Variants in KLHL29 observed in about 807,000 individuals in gnomAD.
KLHL29 encodes kelch-like protein 29.
KLHL29 carries 21 observed loss-of-function variants against 80.4 expected under a neutral mutation model. That is an observed-to-expected ratio of 0.26 (90% CI 0.19 to 0.38). The LOEUF is 0.38. Among genes scored for constraint, KLHL29 ranks in the 10% least tolerant of loss-of-function variants. The probability of loss-of-function intolerance (pLI) is 1.00; values close to 1 mark genes in which losing one functional copy is unlikely to be tolerated. For synonymous variants in KLHL29, 511 were observed against 526.8 expected (o/e 0.97, Z 0.41); for missense variants, 867 against 1,223.9 (o/e 0.71, Z 4.35).
rs1665524126 is a variant in KLHL29, at chr2:23,503,916, TCCTCCACTAGGAG to T, written c.-46+28254_-46+28266del. Among the ~76,000 whole-genome samples, 1 of 152,132 alleles carries T rather than the reference TCCTCCACTAGGAG, an allele frequency of 6.6e-6. No homozygotes were observed. Among genetic ancestry groups the T allele is most frequent in the East Asian group, 1.9e-4 (1 of 5,176 alleles). The stretch of plus-strand genomic sequence containing the variant: ...CTTCTGCTGTGCCTGCATCCTTCCC[TCCTCCACTAGGAG>T]CCTCTGGTTCCAGCCCAGATGAACC... On this transcript the variant is annotated intron_variant, in intron 2 of 13. Coordinates refer to ENST00000486442, the MANE Select transcript of KLHL29 (RefSeq NM_052920.2). The surrounding 1 kb of genome is among the most constrained non-coding windows in gnomAD (Gnocchi z 4.0).
chr2:23,408,319 A>G (rs2577743), intron 1 of KLHL29, among the ~76,000 whole-genome samples: 3,599 of 134,200 alleles, frequency 0.027, 54 homozygotes, highest in Middle Eastern at 0.039. Flanking sequence ...TTTTTTTTAC[A>G]TGATAGCCAT....
chr2:23,421,560 G>GTC (rs1257610002), intron 1 of KLHL29, among the ~76,000 whole-genome samples: 1 of 141,204 alleles, frequency 7.1e-6, no homozygotes, highest in Admixed American at 7.0e-5. Context: ...GTGTGTGTGT[G>GTC]TGTGTCTGTA....
At chr2:23,693,213 A>G in intron 7 of KLHL29, 56 bp from the exon 8 acceptor site, 2 of 1,502,436 alleles carry the variant, frequency 1.3e-6, no homozygotes, top group Non-Finnish European at 1.8e-6. Flanking sequence ...CAATGGGAAC[A>G]GGTGGCAACT....
At chr2:23,692,384 G>A (rs772734773) in intron 7 of KLHL29, among the ~76,000 whole-genome samples, 16 of 152,236 alleles carry the variant, frequency 1.1e-4, no homozygotes, top group Non-Finnish European at 1.9e-4. Context: ...CGGGGGGGTC[G>A]CTGACCCGAA....
At chr2:23,507,629 C>T (rs567041379) in intron 2 of KLHL29, among the ~76,000 whole-genome samples, 5 of 152,310 alleles carry the variant, frequency 3.3e-5, no homozygotes, top group African/African-American at 4.8e-5. Context: ...TTCACCCCTC[C>T]CTTGACTCAA....
chr2:23,452,912 C>CCACA (rs1553325471), intron 1 of KLHL29, among the ~76,000 whole-genome samples: 60 of 150,158 alleles, frequency 4.0e-4, no homozygotes, highest in African/African-American at 5.6e-4. Context: ...ACCCCCCCGC[C>CCACA]CACACACACA....
chr2:23,638,353 A>C (rs762984977), intron 3 of KLHL29, among the ~76,000 whole-genome samples: 5 of 152,078 alleles, frequency 3.3e-5, no homozygotes, highest in African/African-American at 4.8e-5. Context: ...ATTCCATTAT[A>C]AGGCTGTGGC....
intron 3 of KLHL29, among the ~76,000 whole-genome samples, chr2:23,623,145 G>C (rs532890904): frequency 6.6e-6 from 1 of 152,126 alleles, no homozygotes; most frequent in Non-Finnish European, 1.5e-5. Context: ...GGTCTTAGAC[G>C]GGACATGTCT....
chr2:23,581,546 C>A (rs1367024990), intron 3 of KLHL29, among the ~76,000 whole-genome samples: 1 of 152,142 alleles, frequency 6.6e-6, no homozygotes, highest in Non-Finnish European at 1.5e-5. Flanking sequence ...AACTTTTAGG[C>A]TGGAGGCAGT....
intron 1 of KLHL29, among the ~76,000 whole-genome samples, chr2:23,423,160 G>A (rs1662875607): frequency 6.6e-6 from 1 of 152,250 alleles, no homozygotes. Flanking sequence ...CTGGTCACAG[G>A]AAGTGTTTTT....
intron 1 of KLHL29, among the ~76,000 whole-genome samples, chr2:23,386,583 G>T (rs1558319216): frequency 6.6e-6 from 1 of 152,144 alleles, no homozygotes; most frequent in Non-Finnish European, 1.5e-5. Context: ...ACCTGGAGAT[G>T]TGTAGTGTGG....
At chr2:23,582,395 C>T (rs573858275) in intron 3 of KLHL29, among the ~76,000 whole-genome samples, 78 of 152,142 alleles carry the variant, frequency 5.1e-4, no homozygotes, top group Non-Finnish European at 8.4e-4. Context: ...TGTTATTTAA[C>T]ATTTCTGAAT....
intron 3 of KLHL29, among the ~76,000 whole-genome samples, chr2:23,597,786 G>C (rs1414843594): frequency 6.6e-6 from 1 of 152,092 alleles, no homozygotes; most frequent in Non-Finnish European, 1.5e-5. Context: ...CATGCTCTCA[G>C]TCTAGGGAAG....
intron 1 of KLHL29, among the ~76,000 whole-genome samples, chr2:23,423,266 T>C (rs895615727): frequency 6.6e-6 from 1 of 152,216 alleles, no homozygotes; most frequent in Non-Finnish European, 1.5e-5. Context: ...AGGGCAATTC[T>C]GGGGCCACCA....
chr2:23,411,687 T>C lies in KLHL29; in HGVS notation c.-154+25907T>C, dbSNP rs117068891. ...GGAAATGCAAGCTTGCACTGGAATC[T>C]TAACAGGTACTGCTGGTTCTGCCTT... On this transcript the variant is annotated intron_variant, in intron 1 of 13. Coordinates refer to ENST00000486442, the MANE Select transcript of KLHL29 (RefSeq NM_052920.2). 4.0e-3 allele frequency among the ~76,000 whole-genome samples: 605 copies of C among 152,298 alleles called. 19 individuals are homozygous for C. The South Asian group carries it at 0.058, about 15-fold the overall frequency.
Position 23,681,215 on chromosome 2 carries a change from T to G in KLHL29, c.941-3184T>G, listed in dbSNP as rs1361901776. Among the ~76,000 whole-genome samples the G allele has an allele frequency of 1.3e-5, 2 of 152,248 alleles. No homozygotes were observed. The highest frequency in any genetic ancestry group is 6.5e-5 in the Admixed American group (1 of 15,290). ...CGATACTAGGAATGCACTTGGGGCC[T>G]GCTGGGAATCCCCTGGTGAGCACTT... On this transcript the variant is annotated intron_variant, in intron 5 of 13. Coordinates refer to ENST00000486442, the MANE Select transcript of KLHL29 (RefSeq NM_052920.2). The surrounding 1 kb of genome is among the most constrained non-coding windows in gnomAD (Gnocchi z 4.2).
At chr2:23,686,524 A>T (rs1467899152) in intron 6 of KLHL29, among the ~76,000 whole-genome samples, 1 of 152,140 alleles carries the variant, frequency 6.6e-6, no homozygotes, top group East Asian at 1.9e-4. Context: ...GGATGGGCAG[A>T]GGATGGGCAG....
intron 11 of KLHL29, among the ~76,000 whole-genome samples, chr2:23,702,012 G>A (rs1286916543): frequency 6.6e-6 from 1 of 150,986 alleles, no homozygotes; most frequent in Non-Finnish European, 1.5e-5. Flanking sequence ...TAGTAGAGAC[G>A]GGGTTTCTCC....
rs1572500848 is a variant in KLHL29 at position 23,423,045 on chromosome 2, T to C, written c.-154+37265T>C. 2.0e-5 allele frequency among the ~76,000 whole-genome samples: 3 copies of C among 152,376 alleles called. No homozygotes were observed. In the South Asian group the frequency reaches 6.2e-4, roughly 32 times the overall value. On this transcript the variant is annotated intron_variant, in intron 1 of 13. Coordinates refer to ENST00000486442, the MANE Select transcript of KLHL29 (RefSeq NM_052920.2). The stretch of plus-strand genomic sequence containing the variant: ...TTGAATGGGTCTTGCCGACTGGCCC[T>C]TCGGGGCCTCAGGGCCTGGCTGTCA...
Sources: gnomAD v4.1 joint callset for allele counts (sites outside exome capture counted in the v4.1 genomes callset) on GRCh38, gnomAD v4.1.1 for gene constraint, Gnocchi (gnomAD v3.1) non-coding constraint, MANE v1.5 for transcripts, NCBI Gene and HGNC (gene_info 2026-07-23, HGNC 2026-07-21) for gene names.